The following ARL8B variants were observed in gnomAD, a reference collection of about 807,000 sequenced individuals.
ARL8B encodes ARF like GTPase 8B.
Under a neutral mutation model 30.6 loss-of-function variants are expected in ARL8B, and 9 were observed. The ratio of observed to expected loss-of-function variants is 0.29; its 90% CI spans 0.18 to 0.51. ARL8B has a LOEUF of 0.51. Among genes scored for constraint, ARL8B ranks in the 20% least tolerant of loss-of-function variants. The probability of loss-of-function intolerance (pLI) is 0.97; values close to 1 mark genes in which losing one functional copy is unlikely to be tolerated. For synonymous variants in ARL8B, 74 were observed against 76.0 expected, an observed-to-expected ratio of 0.97 and a Z score of 0.14; for missense variants, 130 against 227.2, an observed-to-expected ratio of 0.57 and a Z score of 2.75.
At chr3:5,172,512 T>C (rs996299813) in intron 3 of ARL8B, 135 bp from the exon 4 acceptor site, 8 of 687,902 alleles carry the variant, frequency 1.2e-5, no homozygotes, top group Non-Finnish European at 2.0e-5. Flanking sequence ...GTGCTGAGCC[T>C]TTTCTTATGA....
chr3:5,128,628 C>T, intron 1 of ARL8B: 1 of 223,908 alleles, frequency 4.5e-6, no homozygotes, highest in Non-Finnish European at 9.2e-6. Flanking sequence ...TACATTGAAC[C>T]TATAAAAAAG....
In ARL8B at chr3:5,174,153, A is replaced by G. The variant is rs1455664414; in HGVS notation, c.440+69A>G. The stretch of plus-strand genomic sequence containing the variant: ...CCATATTTTGCCCACTTGTTATGTT[A>G]TTCCTAATGATCATAGCCATTTTTT... On this transcript the variant is annotated intron_variant, in intron 5 of 6. Transcript: ENST00000256496. 5.0e-5 allele frequency: 69 copies of G among 1,383,314 alleles called. 1 individual carries two copies. The highest frequency in any genetic ancestry group is 7.0e-5 in the Non-Finnish European group (69 of 982,506). The allele number at this position is 1,383,314 out of a possible 1,614,324, so 85.7% of individuals were successfully genotyped here. A position where few individuals can be genotyped will look rare whatever the true frequency, so the allele number is the denominator to read the frequency against.
At chr3:5,154,994 C>T (rs925764562) in intron 1 of ARL8B, among the ~76,000 whole-genome samples, 15 of 152,226 alleles carry the variant, frequency 9.9e-5, no homozygotes, top group Non-Finnish European at 2.2e-4. Context: ...TTCAGCCTCC[C>T]AAAGTGCTGG....
At chr3:5,167,153 A>G (rs944108368) in intron 1 of ARL8B, among the ~76,000 whole-genome samples, 1 of 152,166 alleles carries the variant, frequency 6.6e-6, no homozygotes, top group African/African-American at 2.4e-5. Flanking sequence ...ATTTTGTTCA[A>G]CCAAGTTCCA....
At chr3:5,146,416 G>A (rs1229665069) in intron 1 of ARL8B, among the ~76,000 whole-genome samples, 1 of 152,116 alleles carries the variant, frequency 6.6e-6, no homozygotes, top group African/African-American at 2.4e-5. Flanking sequence ...TGACATGCAG[G>A]GTTCTAATAG....
At chr3:5,123,191 C>G (rs956565574) in intron 1 of ARL8B, among the ~76,000 whole-genome samples, 1 of 152,088 alleles carries the variant, frequency 6.6e-6, no homozygotes, top group Non-Finnish European at 1.5e-5. Flanking sequence ...TCCAGCTAGC[C>G]CACAATACAT....
At chr3:5,169,553 T>A (rs2054652750) in intron 1 of ARL8B, among the ~76,000 whole-genome samples, 1 of 134,642 alleles carries the variant, frequency 7.4e-6, no homozygotes, top group Admixed American at 7.3e-5. Flanking sequence ...TTTCCAGTGC[T>A]TTCTGTTTTT....
intron 1 of ARL8B, among the ~76,000 whole-genome samples, chr3:5,150,868 G>T (rs4266178): frequency 0.42 from 63,797 of 151,700 alleles, 14,996 homozygotes; most frequent in African/African-American, 0.66. Flanking sequence ...AAGAAGCTTT[G>T]AAGTTAGTGA....
intron 1 of ARL8B, chr3:5,157,666 T>G (rs62255880): frequency 0.38 from 57,055 of 151,952 alleles, 11,914 homozygotes; most frequent in African/African-American, 0.58. Flanking sequence ...TTTTGTCTGG[T>G]TGCAATGGCA....
chr3:5,170,272 T>C (rs1187010359), intron 1 of ARL8B, among the ~76,000 whole-genome samples: 8 of 152,228 alleles, frequency 5.3e-5, no homozygotes, highest in African/African-American at 1.9e-4. Context: ...TGTAAAAAAT[T>C]ACATTAGTTT....
intron 1 of ARL8B, among the ~76,000 whole-genome samples, chr3:5,133,484 A>G (rs1281463694): frequency 2.6e-5 from 4 of 152,224 alleles, no homozygotes; most frequent in Non-Finnish European, 5.9e-5. Context: ...CAATTAAGTC[A>G]GAGGTACAGG....
intron 1 of ARL8B, among the ~76,000 whole-genome samples, chr3:5,157,566 G>C (rs1368017946): frequency 1.3e-5 from 2 of 152,150 alleles, no homozygotes; most frequent in African/African-American, 4.8e-5. Context: ...ACTTAAGTTA[G>C]ACCACAGTTT....
chr3:5,172,605 G>T, intron 3 of ARL8B, 42 bp from the exon 4 acceptor site: 1 of 1,269,768 alleles, frequency 7.9e-7, no homozygotes, highest in South Asian at 1.3e-5. Flanking sequence ...CATCATCAAG[G>T]CATACAGAGA....
In ARL8B at chr3:5,123,310, G is replaced by A. The variant is rs571477113; in HGVS notation, c.123+722G>A. Among the ~76,000 whole-genome samples, 4 of 152,188 alleles carry A rather than the reference G, an allele frequency of 2.6e-5. No individual in the cohort carries two copies. The South Asian group carries it at 8.3e-4, about 32-fold the overall frequency. On this transcript the variant is annotated intron_variant, in intron 1 of 6. Transcript: ENST00000256496. Reference sequence around the variant, plus strand: ...AAAGAGGAGTTGGTCTTTAAATGGTGTTTTTCACTTGAAGAGAAAAGAAGG... The same window carrying A: ...AAAGAGGAGTTGGTCTTTAAATGGTATTTTTCACTTGAAGAGAAAAGAAGG...
In ARL8B at chr3:5,178,658, C is replaced by T. The variant is rs754022364; in HGVS notation, c.512-6C>T. ...TAATGTCTTCACTTTTCCCCTCTAT[C>T]TTTAGATATCACACTTCAGTGGCTT... On this transcript the variant is annotated splice_polypyrimidine_tract_variant and splice_region_variant and intron_variant, in intron 6 of 6. Transcript: ENST00000256496. The T allele has an allele frequency of 2.5e-6, 4 of 1,603,582 alleles. No individual in the cohort carries two copies. Among genetic ancestry groups the T allele is most frequent in the East Asian group, 4.5e-5 (2 of 44,736 alleles).
intron 1 of ARL8B, chr3:5,128,476 G>C (rs2054251876): frequency 2.2e-6 from 1 of 454,652 alleles, no homozygotes; most frequent in East Asian, 7.0e-5. Flanking sequence ...AATCTTGAAA[G>C]CCAAATGTTC....
chr3:5,166,626 C>T (rs2054627090), intron 1 of ARL8B, among the ~76,000 whole-genome samples: 1 of 152,196 alleles, frequency 6.6e-6, no homozygotes, highest in Non-Finnish European at 1.5e-5. Flanking sequence ...GTGTGAGCCA[C>T]CGCGCCCAGC....
chr3:5,155,978 C>G (rs901719588), intron 1 of ARL8B, among the ~76,000 whole-genome samples: 3 of 151,944 alleles, frequency 2.0e-5, no homozygotes, highest in Non-Finnish European at 2.9e-5. Flanking sequence ...TCTCAGCTCA[C>G]GGCAACCTCC....
chr3:5,152,267 G>A (rs1306601227), intron 1 of ARL8B, among the ~76,000 whole-genome samples: 3 of 152,042 alleles, frequency 2.0e-5, no homozygotes, highest in Non-Finnish European at 4.4e-5. Context: ...TTTGTTAGGT[G>A]CATACTCATT....
Sources: gnomAD v4.1 joint callset for allele counts (sites outside exome capture counted in the v4.1 genomes callset) on GRCh38, gnomAD v4.1.1 for gene constraint, MANE v1.5 for transcripts, NCBI Gene and HGNC (gene_info 2026-07-23, HGNC 2026-07-21) for gene names.